RUNX1: variants seen among roughly 807,000 people sequenced by gnomAD.
The protein encoded by RUNX1 is RUNX family transcription factor 1.
Under a neutral mutation model 42.8 loss-of-function variants are expected in RUNX1, and 19 were observed. The ratio of observed to expected loss-of-function variants is 0.44; its 90% CI spans 0.31 to 0.65. The LOEUF is 0.65. Among genes scored for constraint, RUNX1 ranks in the 30% least tolerant of loss-of-function variants. RUNX1 has a pLI of 0.07. For missense variants in RUNX1, 528 were observed against 672.0 expected, an observed-to-expected ratio of 0.79 and a Z score of 2.37; for synonymous variants, 271 against 289.4, an observed-to-expected ratio of 0.94 and a Z score of 0.64.
At chr21:34,899,871 TC>T (rs2058163825) in intron 2 of RUNX1, among the ~76,000 whole-genome samples, 1 of 152,318 alleles carries the variant, frequency 6.6e-6, no homozygotes, top group East Asian at 1.9e-4. Flanking sequence ...CAGGCTGAAT[TC>T]AGAGGCTCAA....
intron 6 of RUNX1, among the ~76,000 whole-genome samples, chr21:34,836,530 C>A (rs1231149900): frequency 2.6e-5 from 4 of 152,172 alleles, no homozygotes; most frequent in Non-Finnish European, 5.9e-5. Context: ...GAAAAACAAA[C>A]AATTCCAATG....
intron 4 of RUNX1, among the ~76,000 whole-genome samples, chr21:34,886,434 T>C (rs1048185014): frequency 6.6e-6 from 1 of 152,244 alleles, no homozygotes; most frequent in East Asian, 1.9e-4. Flanking sequence ...TTCCTGATCC[T>C]TTCATCTGAG....
chr21:34,993,196 G>A (rs951255993), intron 2 of RUNX1, among the ~76,000 whole-genome samples: 2 of 152,226 alleles, frequency 1.3e-5, no homozygotes, highest in African/African-American at 4.8e-5. Flanking sequence ...TCCCAGAGCA[G>A]AAGGCCAAGT....
chr21:34,894,922 CACACACAT>C (rs61447655), intron 2 of RUNX1, among the ~76,000 whole-genome samples: 2,566 of 139,134 alleles, frequency 0.018, 62 homozygotes, highest in African/African-American at 0.055. Flanking sequence ...CACACACACA[CACACACAT>C]ATTCATATCT....
intron 2 of RUNX1, among the ~76,000 whole-genome samples, chr21:35,013,957 A>G (rs950310664): frequency 6.6e-6 from 1 of 152,246 alleles, no homozygotes; most frequent in Non-Finnish European, 1.5e-5. Flanking sequence ...AAAAGAGACA[A>G]AAGTAGTTTA....
chr21:34,973,584 C>T (rs2058778110), intron 2 of RUNX1, among the ~76,000 whole-genome samples: 2 of 152,178 alleles, frequency 1.3e-5, no homozygotes, highest in South Asian at 4.1e-4. Context: ...ATTCTTCATG[C>T]ATTCATCATT....
chr21:34,810,250 G>C (rs1211779072), intron 7 of RUNX1, among the ~76,000 whole-genome samples: 1 of 152,252 alleles, frequency 6.6e-6, no homozygotes, highest in Non-Finnish European at 1.5e-5. Context: ...GTGGCTTGAA[G>C]CCCAGCAAGC....
At chr21:35,018,891 T>A (rs2059178512) in intron 2 of RUNX1, among the ~76,000 whole-genome samples, 1 of 152,144 alleles carries the variant, frequency 6.6e-6, no homozygotes, top group Non-Finnish European at 1.5e-5. Context: ...GGAATAGGGA[T>A]TATCTTAATC....
intron 2 of RUNX1, among the ~76,000 whole-genome samples, chr21:35,047,514 A>AACACACAC (rs145398828): frequency 6.7e-4 from 47 of 70,634 alleles, no homozygotes; most frequent in Non-Finnish European, 9.4e-4. Context: ...TGCCATCTCC[A>AACACACAC]ACACACACAC....
rs2058149857 is a variant in RUNX1, at chr21:34,898,725, T to C, written c.59-5762A>G. 3.3e-5 allele frequency among the ~76,000 whole-genome samples: 5 copies of C among 152,218 alleles called. No individual in the cohort carries two copies. In the South Asian group the frequency reaches 1.0e-3, roughly 32 times the overall value. On this transcript the variant is annotated intron_variant, in intron 2 of 8. Transcript: ENST00000675419. ...GGCTGTGTTTTACTCACCTTTAAAT[T>C]CCCTAGGCAGCACTGCAGAAAGTGA...
chr21:34,869,759 TC>T (rs2057712388), intron 5 of RUNX1, among the ~76,000 whole-genome samples: 1 of 152,144 alleles, frequency 6.6e-6, no homozygotes, highest in Non-Finnish European at 1.5e-5. Context: ...CAAAACCCCT[TC>T]AACTTGGGTG....
rs1601469594 is a variant in RUNX1 at position 34,859,190 on chromosome 21, A to C, written c.613+284T>G. The C allele has an allele frequency of 1.3e-5, 6 of 472,050 alleles. No homozygotes were observed. In the East Asian group the frequency reaches 2.3e-4, roughly 18 times the overall value. The allele number at this position is 472,050 out of a possible 1,614,324, so 29.2% of individuals were successfully genotyped here. The stretch of plus-strand genomic sequence containing the variant: ...GTTGAACTTTACTGTATATTGAGGA[A>C]GCAGTCCTTAGTTTCATGCTGCCCT... On this transcript the variant is annotated intron_variant, in intron 6 of 8. Coordinates refer to ENST00000675419, the MANE Select transcript of RUNX1 (RefSeq NM_001754.5).
intron 2 of RUNX1, among the ~76,000 whole-genome samples, chr21:35,037,256 G>A (rs1421396851): frequency 6.6e-6 from 1 of 152,284 alleles, no homozygotes; most frequent in African/African-American, 2.4e-5. Context: ...TGTCACCATC[G>A]TCTTGGGAAC....
At chr21:34,851,606 G>A (rs2057419985) in intron 6 of RUNX1, among the ~76,000 whole-genome samples, 2 of 151,838 alleles carry the variant, frequency 1.3e-5, no homozygotes, top group South Asian at 2.1e-4. Context: ...TTTTCTTATG[G>A]CATGTCATAC....
At chr21:34,906,083 A>C (rs958297035) in intron 2 of RUNX1, among the ~76,000 whole-genome samples, 5 of 152,202 alleles carry the variant, frequency 3.3e-5, no homozygotes, top group African/African-American at 1.2e-4. Context: ...TTTGAGACAA[A>C]GTTTTGGATT....
In RUNX1 at chr21:34,790,303, TG is replaced by T; in HGVS notation, c.*1831del. The T allele has an allele frequency of 4.3e-6, 1 of 233,646 alleles. No individual in the cohort carries two copies. Among genetic ancestry groups the T allele is most frequent in the Non-Finnish European group, 8.5e-6 (1 of 118,002 alleles). The allele number at this position is 233,646 out of a possible 1,614,324, so 14.5% of individuals were successfully genotyped here. ...TTTTTGCTGCCTGCAGCCAAAGATT[TG>T]CCTAATTTGAATGCTTAAATTTATA... is the stretch of plus-strand genomic sequence containing the variant. On this transcript the variant is annotated 3_prime_UTR_variant, in exon 9 of 9. Transcript: ENST00000675419.
chr21:34,931,424 G>A (rs1162922458), intron 2 of RUNX1, among the ~76,000 whole-genome samples: 4 of 139,200 alleles, frequency 2.9e-5, no homozygotes, highest in African/African-American at 8.3e-5. Context: ...TATATATAAA[G>A]CATATATAAA....
rs1376141777 is a variant in RUNX1, at chr21:34,811,151, C to G, written c.806-11689G>C. On this transcript the variant is annotated intron_variant, in intron 7 of 8. Coordinates refer to ENST00000675419, the MANE Select transcript of RUNX1 (RefSeq NM_001754.5). Reference sequence around the variant, plus strand: ...TGCTCTTTGTCTTGTGAAGTGTGACCCACAATGAATGGCAACCGTTCTTTC... The same window carrying G: ...TGCTCTTTGTCTTGTGAAGTGTGACGCACAATGAATGGCAACCGTTCTTTC... 2.0e-5 allele frequency among the ~76,000 whole-genome samples: 3 copies of G among 152,196 alleles called. No homozygotes were observed. The East Asian group carries it at 5.8e-4, about 29-fold the overall frequency.
intron 2 of RUNX1, among the ~76,000 whole-genome samples, chr21:35,018,044 G>A (rs896545485): frequency 1.3e-5 from 2 of 151,916 alleles, no homozygotes; most frequent in Non-Finnish European, 2.9e-5. Context: ...TTTGTTTTTT[G>A]AGATGGAGTC....
Sources: allele counts gnomAD v4.1 joint callset (sites outside exome capture counted in the v4.1 genomes callset), GRCh38; gene constraint gnomAD v4.1.1; transcripts MANE v1.5; gene names NCBI Gene and HGNC (gene_info 2026-07-23, HGNC 2026-07-21).